Variants in INO80D observed in about 807,000 individuals in gnomAD.
INO80D encodes the protein INO80 complex subunit D.
In INO80D, 21 loss-of-function variants were observed where a neutral mutation model predicts 87.6. The observed-to-expected ratio is 0.24, with a 90% confidence interval of 0.17 to 0.35. The LOEUF is 0.35. INO80D is among the 10% of genes least tolerant of loss of function. INO80D has a pLI of 1.00. For missense variants in INO80D, 982 were observed against 1,280.7 expected (o/e 0.77, Z 3.56); for synonymous variants, 440 against 491.0 (o/e 0.90, Z 1.37).
chr2:206,040,968 T>C (rs921190988), intron 5 of INO80D: 2 of 153,948 alleles, frequency 1.3e-5, no homozygotes, highest in Non-Finnish European at 2.9e-5. Context: ...ATAAATGAAA[T>C]GAGTAGGAAT....
rs1387077121 is a variant in INO80D at position 206,028,284 on chromosome 2, G to A, written c.1125C>T (p.Cys375=). 1.2e-6 allele frequency: 2 copies of A among 1,611,828 alleles called. No individual in the cohort carries two copies. The highest frequency in any genetic ancestry group is 1.7e-6 in the Non-Finnish European group (2 of 1,178,050). The change falls in exon 6 of 11, where the codon TGC becomes TGT. Residue 375 remains cysteine, a synonymous_variant. Coordinates refer to ENST00000403263, the MANE Select transcript of INO80D (RefSeq NM_017759.5). Reference sequence around the variant, plus strand: ...GCTTATATTTCTGCTGAAAGTAAGTGCAAAGTTGAGTCACCCTGGAGCTCC... The same window carrying A: ...GCTTATATTTCTGCTGAAAGTAAGTACAAAGTTGAGTCACCCTGGAGCTCC... The part of the protein sequence containing the change: ...ESRSSRVTQL[C]TYFQQKYKHL...
intron 5 of INO80D, among the ~76,000 whole-genome samples, chr2:206,033,352 C>T (rs1323640208): frequency 6.6e-6 from 1 of 152,116 alleles, no homozygotes; most frequent in Non-Finnish European, 1.5e-5. Flanking sequence ...AAATGAGCCT[C>T]AATAAATTTA....
intron 5 of INO80D, among the ~76,000 whole-genome samples, chr2:206,045,132 A>G (rs377755273): frequency 6.6e-6 from 1 of 152,234 alleles, no homozygotes; most frequent in African/African-American, 2.4e-5. Flanking sequence ...GTGACCACTA[A>G]TAAAATCCAA....
intron 4 of INO80D, among the ~76,000 whole-genome samples, chr2:206,047,088 T>A (rs889745109): frequency 6.6e-6 from 1 of 150,652 alleles, no homozygotes; most frequent in Non-Finnish European, 1.5e-5. Flanking sequence ...CACAATCGGG[T>A]TTTTAAAATG....
At chr2:206,071,422 C>A (rs1689969582) in intron 1 of INO80D, among the ~76,000 whole-genome samples, 1 of 146,112 alleles carries the variant, frequency 6.8e-6, no homozygotes, top group Non-Finnish European at 1.5e-5. Context: ...CCACACCTGC[C>A]TTCAAATCTT....
intron 4 of INO80D, among the ~76,000 whole-genome samples, chr2:206,047,364 G>A (rs1405829016): frequency 6.6e-6 from 1 of 151,838 alleles, no homozygotes; most frequent in East Asian, 1.9e-4. Flanking sequence ...TATTACAGGT[G>A]AGCACCACCA....
At chr2:206,047,250 T>C (rs568735595) in intron 4 of INO80D, among the ~76,000 whole-genome samples, 12 of 152,100 alleles carry the variant, frequency 7.9e-5, no homozygotes, top group Non-Finnish European at 1.6e-4. Context: ...AGGGTCTTGC[T>C]CTGTCACCTA....
chr2:206,008,999 A>C (rs1445185269), intron 9 of INO80D, among the ~76,000 whole-genome samples: 2 of 152,188 alleles, frequency 1.3e-5, no homozygotes, highest in Admixed American at 6.5e-5. Context: ...ACATATATGG[A>C]ATTTCTGCAA....
rs1347103021 is a variant in INO80D, at chr2:206,021,026, A to G, written c.1299-1181T>C. Among the ~76,000 whole-genome samples, 4 of 152,106 alleles carry G rather than the reference A, an allele frequency of 2.6e-5. No individual in the cohort carries two copies. The East Asian group carries it at 5.8e-4, about 22-fold the overall frequency. On this transcript the variant is annotated intron_variant, in intron 6 of 10. Coordinates refer to ENST00000403263, the MANE Select transcript of INO80D (RefSeq NM_017759.5). ...CATCTCTATTGAAAAAAAGAAAAAG[A>G]AAAAGAAAAAAGACAATTCTTACAA...
chr2:206,018,830 G>A (rs1688386771), intron 7 of INO80D, among the ~76,000 whole-genome samples: 1 of 152,176 alleles, frequency 6.6e-6, no homozygotes, highest in Non-Finnish European at 1.5e-5. Flanking sequence ...TGAGCCCAGG[G>A]AGGTCGAGGC....
At chr2:206,041,310 C>T (rs1689043400) in intron 5 of INO80D, among the ~76,000 whole-genome samples, 1 of 152,094 alleles carries the variant, frequency 6.6e-6, no homozygotes, top group African/African-American at 2.4e-5. Flanking sequence ...AATACATTGC[C>T]AGTAAGAAAC....
chr2:206,028,893 T>TG (rs1262263341), intron 5 of INO80D, among the ~76,000 whole-genome samples: 19 of 144,126 alleles, frequency 1.3e-4, no homozygotes, highest in East Asian at 4.0e-4. Flanking sequence ...TGTTTTTTTG[T>TG]TTTTTTTTTT....
chr2:206,014,174 A>C (rs1283363553), intron 8 of INO80D, among the ~76,000 whole-genome samples: 1 of 147,892 alleles, frequency 6.8e-6, no homozygotes, highest in Non-Finnish European at 1.5e-5. Flanking sequence ...AAAAAAAAAA[A>C]CAACCTATAT....
chr2:206,086,153 G>A lies in INO80D; in HGVS notation c.-376C>T, dbSNP rs1403732900. On this transcript the variant is annotated 5_prime_UTR_variant, in exon 1 of 11. Coordinates refer to ENST00000403263, the MANE Select transcript of INO80D (RefSeq NM_017759.5). ...CCTGAATATACTCTCCAGCCAAGAA[G>A]GCAGGGCTGCCGGGGCTGTACAAGA... is the stretch of plus-strand genomic sequence containing the variant. 1 of 152,190 alleles carries A rather than the reference G, an allele frequency of 6.6e-6. No individual in the cohort carries two copies. Among genetic ancestry groups the A allele is most frequent in the Non-Finnish European group, 1.5e-5 (1 of 68,074 alleles). The allele number at this position is 152,190 out of a possible 1,614,324, so 9.4% of individuals were successfully genotyped here.
chr2:206,004,666 G>A lies in INO80D; in HGVS notation c.2786C>T (p.Thr929Ile). 1 of 1,613,964 alleles carries A rather than the reference G, an allele frequency of 6.2e-7. No individual in the cohort carries two copies. The highest frequency in any genetic ancestry group is 8.5e-7 in the Non-Finnish European group (1 of 1,179,870). The change falls in exon 11 of 11, where the codon ACC becomes ATC. Residue 929 changes from threonine (T) to isoleucine (I), a missense_variant. By Grantham distance (89) the Thr-to-Ile change is moderately conservative (BLOSUM62 -1). Coordinates refer to ENST00000403263, the MANE Select transcript of INO80D (RefSeq NM_017759.5). This position sits in a 1 kb window ranked among gnomAD's most constrained non-coding sequence, Gnocchi z 4.9. The part of the protein sequence containing the change: ...STPPTTSNSE[T>I]TQPAFATVTP... ...CACGGTGGCGAAGGCAGGCTGTGTG[G>A]TCTCTGAGTTCGAAGTGGTGGGTGG...
intron 5 of INO80D, among the ~76,000 whole-genome samples, chr2:206,045,640 G>T (rs943816058): frequency 4.0e-5 from 6 of 151,832 alleles, no homozygotes; most frequent in African/African-American, 1.5e-4. Context: ...GAAAAAAACT[G>T]AAGAGAGCTG....
intron 1 of INO80D, among the ~76,000 whole-genome samples, chr2:206,079,550 T>C (rs1690217458): frequency 6.6e-6 from 1 of 152,176 alleles, no homozygotes; most frequent in Non-Finnish European, 1.5e-5. Flanking sequence ...CCTTACCTCC[T>C]TAACATGCCT....
chr2:206,009,621 G>A lies in INO80D; in HGVS notation c.1716C>T (p.Ser572=), dbSNP rs1559430776. Residue 572 remains serine (S), a synonymous_variant, in exon 9 of 11, where the codon AGC becomes AGT. Transcript: ENST00000403263. ...IPPAVPQGNL[S]MPASVSLPVE... ...CTGGCAGTGAGACGCTGGCGGGCAT[G>A]CTGAGGTTCCCTTGGGGGACTGCAG... is the stretch of plus-strand genomic sequence containing the variant. The A allele has an allele frequency of 1.9e-6, 3 of 1,613,768 alleles. No homozygotes were observed. The highest frequency in any genetic ancestry group is 2.5e-6 in the Non-Finnish European group (3 of 1,179,882).
chr2:206,024,043 C>A (rs549177880), intron 6 of INO80D, among the ~76,000 whole-genome samples: 49 of 152,270 alleles, frequency 3.2e-4, no homozygotes, highest in African/African-American at 1.1e-3. Flanking sequence ...TCAGCATATA[C>A]ATTTACATAC....
Sources: allele counts gnomAD v4.1 joint callset (sites outside exome capture counted in the v4.1 genomes callset), GRCh38; gene constraint gnomAD v4.1.1; non-coding constraint Gnocchi (gnomAD v3.1); transcripts MANE v1.5; gene names NCBI Gene and HGNC (gene_info 2026-07-23, HGNC 2026-07-21).